Variants in DAB1 observed in about 807,000 individuals in gnomAD.
DAB1 encodes disabled homolog 1.
Under a neutral mutation model 64.6 loss-of-function variants are expected in DAB1, and 15 were observed. That is an observed-to-expected ratio of 0.23 (90% CI 0.16 to 0.36). The LOEUF (loss-of-function observed/expected upper bound fraction) is 0.36. Among genes scored for constraint, DAB1 ranks in the 10% least tolerant of loss-of-function variants. The pLI, the probability that DAB1 is intolerant of heterozygous loss-of-function variation, is 1.00. For synonymous variants in DAB1, 235 were observed against 251.9 expected (o/e 0.93, Z 0.64); for missense variants, 596 against 706.7 (o/e 0.84, Z 1.78).
chr1:57,076,762 C>T (rs1010994148), intron 4 of DAB1, among the ~76,000 whole-genome samples: 24 of 152,318 alleles, frequency 1.6e-4, no homozygotes, highest in Admixed American at 1.0e-3. Context: ...TACCTTGATA[C>T]CCCATTTCCC....
chr1:58,512,338 A>T (rs1377084241), intron 2 of DAB1, among the ~76,000 whole-genome samples: 1 of 152,198 alleles, frequency 6.6e-6, no homozygotes, highest in East Asian at 1.9e-4. Context: ...GAAAAACAAT[A>T]TGAAGATTAC....
At chr1:57,765,636 T>G (rs1450117336) in intron 6 of DAB1, among the ~76,000 whole-genome samples, 1 of 152,130 alleles carries the variant, frequency 6.6e-6, no homozygotes, top group East Asian at 1.9e-4. Flanking sequence ...GACCTCCATG[T>G]TGCTGAATCC....
intron 9 of DAB1, among the ~76,000 whole-genome samples, chr1:57,047,040 T>C (rs1023393136): frequency 3.3e-5 from 5 of 152,190 alleles, no homozygotes; most frequent in African/African-American, 1.2e-4. Flanking sequence ...CAAACCCTTT[T>C]TCACTTTCAA....
intron 5 of DAB1, among the ~76,000 whole-genome samples, chr1:58,000,010 A>G (rs1646482490): frequency 6.7e-6 from 1 of 148,750 alleles, no homozygotes; most frequent in Non-Finnish European, 1.5e-5. Context: ...GAAAGGGAGG[A>G]AGAGAGGGAG....
At chr1:57,246,108 A>G (rs1668851992) in intron 2 of DAB1, among the ~76,000 whole-genome samples, 2 of 152,226 alleles carry the variant, frequency 1.3e-5, no homozygotes, top group Non-Finnish European at 2.9e-5. Context: ...GAGCTGCAGA[A>G]ATTTGCATAA....
intron 4 of DAB1, among the ~76,000 whole-genome samples, chr1:57,081,340 T>C (rs1410556916): frequency 1.3e-5 from 2 of 152,190 alleles, no homozygotes; most frequent in Non-Finnish European, 2.9e-5. Flanking sequence ...AATGACTACA[T>C]AATTTAGTGT....
chr1:57,886,230 C>T (rs1340700435), upstream of DAB1, among the ~76,000 whole-genome samples: 1 of 150,224 alleles, frequency 6.7e-6, no homozygotes, highest in Non-Finnish European at 1.5e-5. Flanking sequence ...ATAATCTCGG[C>T]TCACTGCAAC....
intron 5 of DAB1, among the ~76,000 whole-genome samples, chr1:58,147,306 C>CAAAA (rs1192982112): frequency 4.8e-5 from 2 of 41,694 alleles, no homozygotes; most frequent in African/African-American, 1.1e-4. Context: ...GACTCCGTCT[C>CAAAA]AAAAAAAAAA....
At chr1:58,238,351 G>A (rs900937759) in intron 4 of DAB1, among the ~76,000 whole-genome samples, 2 of 152,208 alleles carry the variant, frequency 1.3e-5, no homozygotes, top group Non-Finnish European at 2.9e-5. Flanking sequence ...AATGACGCAA[G>A]GCACAAAGGG....
At chr1:58,362,410 G>T (rs972850171) in intron 3 of DAB1, among the ~76,000 whole-genome samples, 1 of 152,152 alleles carries the variant, frequency 6.6e-6, no homozygotes, top group African/African-American at 2.4e-5. Context: ...GACCTACATT[G>T]AGAGCAAATA....
chr1:58,209,049 T>G (rs970148204), intron 4 of DAB1, among the ~76,000 whole-genome samples: 1 of 151,442 alleles, frequency 6.6e-6, no homozygotes. Context: ...TAAGGAAGAG[T>G]TTTTCAGGAG....
At chr1:58,443,949 CT>C (rs1645039208) in intron 3 of DAB1, among the ~76,000 whole-genome samples, 2 of 152,086 alleles carry the variant, frequency 1.3e-5, no homozygotes, top group African/African-American at 4.8e-5. Context: ...TTTTTTGCTT[CT>C]ATTTCCACAT....
rs1557427972 is a variant in DAB1 at position 57,695,400 on chromosome 1, GAAAGAAAGAAAGA to G, written n.552-45748_552-45736del. Among the ~76,000 whole-genome samples, 18 of 84,696 alleles carry G rather than the reference GAAAGAAAGAAAGA, an allele frequency of 2.1e-4. 1 individual carries two copies. Among genetic ancestry groups the G allele is most frequent in the African/African-American group, 6.8e-4 (15 of 21,910 alleles). The allele number at this position is 84,696 out of a possible 152,430, so 55.6% of individuals were successfully genotyped here. A position where few individuals can be genotyped will look rare whatever the true frequency, so the allele number is the denominator to read the frequency against. Reference sequence around the variant, plus strand: ...AGAAAGAAAGAAAGAAAGAAAGAAAGAAAGAAAGAAAGAAAGAAAGAAAGAAAGAAAGAAAAAA... The same window carrying G: ...AGAAAGAAAGAAAGAAAGAAAGAAAGAAGAAAGAAAGAAAGAAAGAAAAAA... On this transcript the variant is annotated intron_variant and non_coding_transcript_variant, in intron 6 of 20. Transcript: ENST00000485760.
chr1:57,000,243 A>G (rs1645805745), intron 14 of DAB1, among the ~76,000 whole-genome samples: 1 of 151,820 alleles, frequency 6.6e-6, no homozygotes, highest in Admixed American at 6.6e-5. Flanking sequence ...ACAGGGTTTC[A>G]CTGTGTCAGC....
At chr1:58,077,925 G>GGC (rs2100586448) in intron 5 of DAB1, 1 of 152,332 alleles carries the variant, frequency 6.6e-6, no homozygotes, top group African/African-American at 2.4e-5. Flanking sequence ...CTGTGCTCGA[G>GGC]TCTGAGTTCA....
intron 3 of DAB1, among the ~76,000 whole-genome samples, chr1:58,349,139 G>A (rs1386423923): frequency 2.6e-5 from 4 of 152,240 alleles, no homozygotes; most frequent in Admixed American, 2.0e-4. Context: ...CTGATCACTC[G>A]GACCTTCTTC....
chr1:57,422,606 GCGGTAGCCAAGCGCCCCCGGC>G (rs1685009344), intron 1 of DAB1, among the ~76,000 whole-genome samples: 1 of 151,542 alleles, frequency 6.6e-6, no homozygotes, highest in Admixed American at 6.6e-5. Flanking sequence ...CAAGAGCGGA[GCGGTAGCCAAGCGCCCCCGGC>G]CTCCCCACCC....
At chr1:58,016,161 AT>A (rs200081391) in intron 5 of DAB1, among the ~76,000 whole-genome samples, 1 of 151,426 alleles carries the variant, frequency 6.6e-6, no homozygotes, top group Non-Finnish European at 1.5e-5. Flanking sequence ...GGGTCAGTAC[AT>A]TTTTTTTTCT....
At chr1:57,439,846 A>T (rs1685874069) in intron 7 of DAB1, among the ~76,000 whole-genome samples, 1 of 152,154 alleles carries the variant, frequency 6.6e-6, no homozygotes, top group Non-Finnish European at 1.5e-5. Flanking sequence ...GAAGTGAAGG[A>T]GGAAATTAGT....
Sources: allele counts gnomAD v4.1 joint callset (sites outside exome capture counted in the v4.1 genomes callset), GRCh38; gene constraint gnomAD v4.1.1; transcripts MANE v1.5; gene names NCBI Gene and HGNC (gene_info 2026-07-23, HGNC 2026-07-21).